PLEKHD1: variants seen among roughly 807,000 people sequenced by gnomAD.
The protein encoded by PLEKHD1 is pleckstrin homology domain-containing family D member 1.
Under a neutral mutation model 69.2 loss-of-function variants are expected in PLEKHD1, and 51 were observed. The ratio of observed to expected loss-of-function variants is 0.74; its 90% confidence interval spans 0.59 to 0.93. The LOEUF is 0.93. PLEKHD1 is among the 40% of genes least tolerant of loss of function. The pLI is 0.00. For synonymous variants in PLEKHD1, 236 were observed against 244.7 expected (o/e 0.96, Z 0.33); for missense variants, 584 against 641.0 (o/e 0.91, Z 0.96).
intron 1 of PLEKHD1, among the ~76,000 whole-genome samples, chr14:69,499,294 C>T (rs143503430): frequency 4.8e-4 from 73 of 152,054 alleles, no homozygotes; most frequent in African/African-American, 1.6e-3. Flanking sequence ...ATCGCCACCA[C>T]ATTCTGCTCA....
At chr14:69,496,371 G>T (rs1018957015) in intron 1 of PLEKHD1, among the ~76,000 whole-genome samples, 9 of 152,210 alleles carry the variant, frequency 5.9e-5, no homozygotes, top group African/African-American at 2.2e-4. Context: ...AACCCTGGAA[G>T]TGTATTTGGT....
At chr14:69,480,657 T>TTTTTTTC (rs1555411470), upstream of PLEKHD1, among the ~76,000 whole-genome samples, 6 of 151,792 alleles carry the variant, frequency 4.0e-5, no homozygotes, top group South Asian at 2.1e-4. Flanking sequence ...TAAGATTTTT[T>TTTTTTTC]TTTTTCTTTT....
At chr14:69,523,547 G>A (rs1712950366) in intron 7 of PLEKHD1, among the ~76,000 whole-genome samples, 2 of 152,206 alleles carry the variant, frequency 1.3e-5, no homozygotes, top group South Asian at 4.1e-4. Context: ...CCCTTGAAGA[G>A]TGGACGTATG....
chr14:69,490,027 C>T (rs544519720), intron 1 of PLEKHD1, among the ~76,000 whole-genome samples: 26 of 152,164 alleles, frequency 1.7e-4, no homozygotes, highest in Admixed American at 3.3e-4. Context: ...CCACCATGCC[C>T]GGCTAATTTT....
At chr14:69,525,876 C>T in intron 8 of PLEKHD1, 68 bp from the exon 9 acceptor site, 4 of 1,431,496 alleles carry the variant, frequency 2.8e-6, no homozygotes, top group Non-Finnish European at 3.8e-6. Flanking sequence ...AACGGAAAAG[C>T]AGGTGAGGGC....
chr14:69,502,444 G>A (rs1883050833), intron 5 of PLEKHD1: 1 of 265,194 alleles, frequency 3.8e-6, no homozygotes, highest in Non-Finnish European at 7.3e-6. Context: ...GACACTTGGG[G>A]CCCCAGCACT....
chr14:69,510,401 A>G (rs1883244532), intron 6 of PLEKHD1, among the ~76,000 whole-genome samples: 1 of 152,136 alleles, frequency 6.6e-6, no homozygotes, highest in South Asian at 2.1e-4. Context: ...GATTTTGTAC[A>G]TTATTTTTAG....
the PLEKHD1 span, among the ~76,000 whole-genome samples, chr14:69,469,715 G>A: frequency 6.6e-6 from 1 of 151,918 alleles, no homozygotes; most frequent in South Asian, 2.1e-4. Context: ...CCAGACTTAA[G>A]TTGTCTCTTT....
the PLEKHD1 span, among the ~76,000 whole-genome samples, chr14:69,476,084 C>G: frequency 5.3e-5 from 8 of 152,030 alleles, no homozygotes; most frequent in Admixed American, 4.6e-4. Context: ...ATGGCAAAAT[C>G]CTGTCTCTAC....
intron 1 of PLEKHD1, among the ~76,000 whole-genome samples, chr14:69,485,538 G>A (rs548958830): frequency 1.3e-5 from 2 of 151,028 alleles, no homozygotes; most frequent in South Asian, 4.3e-4. Flanking sequence ...CGAGGACCGG[G>A]CCTGAGTGTC....
chr14:69,470,855 G>A, the PLEKHD1 span, among the ~76,000 whole-genome samples: 2 of 149,920 alleles, frequency 1.3e-5, no homozygotes, highest in Admixed American at 6.6e-5. Flanking sequence ...CAAGCTCCGC[G>A]ATCTCGGCTC....
chr14:69,527,737 T>C (rs767709126), intron 11 of PLEKHD1, 46 bp from the exon 12 acceptor site: 2 of 1,543,400 alleles, frequency 1.3e-6, no homozygotes, highest in South Asian at 2.4e-5. Context: ...TGGCTGGGGG[T>C]AAGGATGCAG....
chr14:69,475,021 A>G, the PLEKHD1 span, among the ~76,000 whole-genome samples: 1 of 152,180 alleles, frequency 6.6e-6, no homozygotes, highest in South Asian at 2.1e-4. Flanking sequence ...GTTCCTGGTT[A>G]GCTCCCTTTT....
In PLEKHD1 at chr14:69,527,893, C is replaced by A. The variant is rs368315291; in HGVS notation, c.1312C>A (p.Arg438Ser). Residue 438 changes from arginine (R) to serine (S), a missense_variant, in exon 12 of 13, where the codon CGC becomes AGC. Physicochemically the swap from Arg to Ser is moderately radical, Grantham distance 110 (BLOSUM62 -1). Coordinates refer to ENST00000322564, the MANE Select transcript of PLEKHD1 (RefSeq NM_001161498.2). ...AGCCACTCGCCGCATCAAGAGCTGC[C>A]GCTTCCACCGACGCCGGTCCAGCAC... ...KAATRRIKSCRFHRRRSSTSW... is the reference protein window; with the variant it reads ...KAATRRIKSCSFHRRRSSTSW... 2 of 1,551,548 alleles carry A rather than the reference C, an allele frequency of 1.3e-6. No individual in the cohort carries two copies. Among genetic ancestry groups the A allele is most frequent in the Non-Finnish European group, 1.7e-6 (2 of 1,147,004 alleles).
At chr14:69,509,687 C>T (rs1883227470) in intron 6 of PLEKHD1, among the ~76,000 whole-genome samples, 1 of 152,086 alleles carries the variant, frequency 6.6e-6, no homozygotes, top group African/African-American at 2.4e-5. Flanking sequence ...CCTGTAATCC[C>T]AGCACTTTGG....
At chr14:69,506,972 G>A (rs1221302003) in intron 6 of PLEKHD1, among the ~76,000 whole-genome samples, 1 of 143,696 alleles carries the variant, frequency 7.0e-6, no homozygotes, top group Non-Finnish European at 1.5e-5. Flanking sequence ...GCGCGATCTC[G>A]GCTCACTGCA....
At chr14:69,496,931 C>T (rs1193472447) in intron 1 of PLEKHD1, among the ~76,000 whole-genome samples, 3 of 152,072 alleles carry the variant, frequency 2.0e-5, no homozygotes, top group African/African-American at 7.2e-5. Context: ...TAATTACCTC[C>T]TAAAGACCTT....
chr14:69,480,037 A>G (rs759035970), upstream of PLEKHD1, among the ~76,000 whole-genome samples: 3 of 152,252 alleles, frequency 2.0e-5, no homozygotes, highest in Non-Finnish European at 4.4e-5. Context: ...TATGTCTTCA[A>G]GGACCTCCAA....
chr14:69,514,392 C>A (rs1315920572), intron 6 of PLEKHD1, among the ~76,000 whole-genome samples: 1 of 152,080 alleles, frequency 6.6e-6, no homozygotes, highest in South Asian at 2.1e-4. Flanking sequence ...TTCACTCTTA[C>A]AGTGTTTGTG....
Sources: gnomAD v4.1 joint callset for allele counts (sites outside exome capture counted in the v4.1 genomes callset) on GRCh38, gnomAD v4.1.1 for gene constraint, MANE v1.5 for transcripts, NCBI Gene and HGNC (gene_info 2026-07-23, HGNC 2026-07-21) for gene names.